Variants in GRK3 observed in about 807,000 individuals in gnomAD.
GRK3 encodes G protein-coupled receptor kinase 3.
Under a neutral mutation model 95.7 loss-of-function variants are expected in GRK3, and 54 were observed. The observed-to-expected ratio is 0.56, with a 90% CI of 0.45 to 0.71. The LOEUF is 0.71. Among genes scored for constraint, GRK3 ranks in the 30% least tolerant of loss-of-function variants. The pLI is 0.00. For missense variants in GRK3, 649 were observed against 851.2 expected, an observed-to-expected ratio of 0.76 and a Z score of 2.96; for synonymous variants, 281 against 290.8, an observed-to-expected ratio of 0.97 and a Z score of 0.34.
At chr22:25,676,420 G>A (rs1009786985) in intron 8 of GRK3, among the ~76,000 whole-genome samples, 8 of 152,190 alleles carry the variant, frequency 5.3e-5, no homozygotes, top group South Asian at 2.1e-4. Flanking sequence ...GGCCGGGCGC[G>A]GTGGCTCACA....
chr22:25,684,707 G>C (rs577580532), intron 9 of GRK3: 2 of 153,234 alleles, frequency 1.3e-5, no homozygotes, highest in East Asian at 3.8e-4. Context: ...AATTAGGATA[G>C]AGACATGATT....
intron 17 of GRK3, among the ~76,000 whole-genome samples, chr22:25,712,247 G>A (rs2085349634): frequency 4.6e-5 from 7 of 152,226 alleles, no homozygotes; most frequent in Admixed American, 4.6e-4. Flanking sequence ...ACAGGGCTGT[G>A]AGGATTGCTG....
intron 6 of GRK3, among the ~76,000 whole-genome samples, chr22:25,668,428 T>C (rs2084957126): frequency 6.6e-6 from 1 of 152,220 alleles, no homozygotes; most frequent in South Asian, 2.1e-4. Context: ...GATGATAATA[T>C]CTCATGCTAG....
chr22:25,616,344 G>C (rs950550043), intron 2 of GRK3, among the ~76,000 whole-genome samples: 9 of 152,070 alleles, frequency 5.9e-5, no homozygotes, highest in Admixed American at 2.6e-4. Flanking sequence ...AGGCAAAGGG[G>C]ATGCAAGCAC....
At chr22:25,597,799 A>C (rs2084382073) in intron 1 of GRK3, among the ~76,000 whole-genome samples, 4 of 152,254 alleles carry the variant, frequency 2.6e-5, no homozygotes, top group Admixed American at 2.6e-4. Context: ...CTATGCACGC[A>C]GAAGACAGTG....
At chr22:25,628,671 T>C (rs2084644061) in intron 2 of GRK3, among the ~76,000 whole-genome samples, 1 of 152,316 alleles carries the variant, frequency 6.6e-6, no homozygotes, top group East Asian at 1.9e-4. Flanking sequence ...TACAAACACT[T>C]GTAACAAGGA....
chr22:25,672,335 A>T lies in GRK3; in HGVS notation c.543A>T (p.Glu181Asp). The T allele has an allele frequency of 6.8e-7, 1 of 1,477,120 alleles. No individual in the cohort carries two copies. The highest frequency in any genetic ancestry group is 1.8e-5 in the Admixed American group (1 of 55,474). The allele number at this position is 1,477,120 out of a possible 1,614,324, so 91.5% of individuals were successfully genotyped here. The stretch of plus-strand genomic sequence containing the variant: ...GATTTTGTCAGTGGAAAAACGTTGA[A>T]TTAAATATCCATGTGAGTATCATCT... The part of the protein sequence containing the change: ...FTRFCQWKNV[E>D]LNIHLTMNEF... Residue 181 changes from glutamate to aspartate, a missense_variant, in exon 7 of 21, where the codon GAA becomes GAT. By Grantham distance (45) the Glu-to-Asp change is conservative. Transcript: ENST00000324198.
intron 3 of GRK3, among the ~76,000 whole-genome samples, chr22:25,656,675 G>C (rs1036578289): frequency 6.6e-6 from 1 of 152,100 alleles, no homozygotes; most frequent in South Asian, 2.1e-4. Flanking sequence ...ACACTGTTCA[G>C]ATGAACAGAT....
chr22:25,652,405 A>G (rs1386683400), intron 3 of GRK3, among the ~76,000 whole-genome samples: 1 of 152,186 alleles, frequency 6.6e-6, no homozygotes, highest in African/African-American at 2.4e-5. Flanking sequence ...GCAGGGAGAA[A>G]TGGAGAGCAT....
At chr22:25,641,121 G>A (rs372261192) in intron 2 of GRK3, among the ~76,000 whole-genome samples, 16 of 152,272 alleles carry the variant, frequency 1.1e-4, no homozygotes, top group Non-Finnish European at 2.2e-4. Flanking sequence ...TAAACAGCTG[G>A]TAGAAAGTAA....
intron 3 of GRK3, among the ~76,000 whole-genome samples, chr22:25,657,236 CA>C (rs2084878458): frequency 6.6e-6 from 1 of 152,136 alleles, no homozygotes; most frequent in South Asian, 2.1e-4. Context: ...ATACCTTCTA[CA>C]TCTCTTTTGA....
In GRK3 at chr22:25,604,489, T is replaced by G. The variant is rs1207384453; in HGVS notation, c.190+36T>G. The G allele has an allele frequency of 2.7e-6, 4 of 1,488,132 alleles. No homozygotes were observed. The African/African-American group carries it at 4.1e-5, about 15-fold the overall frequency. 92.2% of individuals were successfully genotyped at this position (1,488,132 alleles called of 1,614,324 possible). ...CTTGTTCATTTGGCATACGGTAATT[T>G]TAGTGATGAAATTGGGCGATACTAT... On this transcript the variant is annotated intron_variant, in intron 2 of 20. Coordinates refer to ENST00000324198, the MANE Select transcript of GRK3 (RefSeq NM_005160.4).
chr22:25,671,755 A>T (rs560936874), intron 6 of GRK3, among the ~76,000 whole-genome samples: 1 of 152,364 alleles, frequency 6.6e-6, no homozygotes, highest in Non-Finnish European at 1.5e-5. Context: ...AATTATTTGT[A>T]AACATTAATT....
chr22:25,662,355 A>G (rs1190150225), intron 4 of GRK3, among the ~76,000 whole-genome samples: 2 of 152,248 alleles, frequency 1.3e-5, no homozygotes, highest in African/African-American at 2.4e-5. Flanking sequence ...TAAATTAACT[A>G]AAGTCAAATG....
At chr22:25,694,892 C>T (rs111584634) in intron 12 of GRK3, among the ~76,000 whole-genome samples, 44 of 152,290 alleles carry the variant, frequency 2.9e-4, no homozygotes, top group African/African-American at 9.6e-4. Flanking sequence ...TTATTTCATA[C>T]GCTTATTTAT....
At position 25,620,001 on chromosome 22, in the gene GRK3, C is replaced by CTTTTTT. The variant is rs34132299; in HGVS notation, c.190+15549_190+15554dup. 1.6e-3 allele frequency among the ~76,000 whole-genome samples: 168 copies of CTTTTTT among 105,956 alleles called. 1 individual carries two copies. Among genetic ancestry groups the CTTTTTT allele is most frequent in the African/African-American group, 4.5e-3 (96 of 21,536 alleles). 69.5% of individuals were successfully genotyped at this position (105,956 alleles called of 152,430 possible). A position where few individuals can be genotyped will look rare whatever the true frequency, so the allele number is the denominator to read the frequency against. Reference sequence around the variant, plus strand: ...TTCCTTTACTCTTCCTTTCCTTTGTCTTTTTTGTGTGTGTGTGTGTGTGTG... The same window carrying CTTTTTT: ...TTCCTTTACTCTTCCTTTCCTTTGTCTTTTTTTTTTTTGTGTGTGTGTGTGTGTGTG... On this transcript the variant is annotated intron_variant, in intron 2 of 20. Coordinates refer to ENST00000324198, the MANE Select transcript of GRK3 (RefSeq NM_005160.4).
At chr22:25,692,455 G>T (rs765450215) in intron 12 of GRK3, among the ~76,000 whole-genome samples, 4 of 152,204 alleles carry the variant, frequency 2.6e-5, no homozygotes, top group Non-Finnish European at 1.5e-5. Flanking sequence ...AAATAATTCA[G>T]CAAGTCTTTA....
intron 17 of GRK3, among the ~76,000 whole-genome samples, chr22:25,713,275 G>C (rs1173973299): frequency 6.6e-6 from 1 of 152,020 alleles, no homozygotes; most frequent in South Asian, 2.1e-4. Context: ...ACTCACACAC[G>C]CACCTCCAGT....
At position 25,709,875 on chromosome 22, in the gene GRK3, T is replaced by C. The variant is rs200035272; in HGVS notation, c.1329-23T>C. 1.1e-5 allele frequency: 18 copies of C among 1,591,692 alleles called. No individual in the cohort carries two copies. In the Admixed American group the frequency reaches 1.3e-4, roughly 12 times the overall value. On this transcript the variant is annotated intron_variant, in intron 15 of 20. Transcript: ENST00000324198. ...ACGTTTCCAAATGCATACTCAGCAC[T>C]GTTATGACTCTTTCTCCTCCAGCTC...
Sources: allele counts gnomAD v4.1 joint callset (sites outside exome capture counted in the v4.1 genomes callset), GRCh38; gene constraint gnomAD v4.1.1; transcripts MANE v1.5; gene names NCBI Gene and HGNC (gene_info 2026-07-23, HGNC 2026-07-21).